ITGA8: variants seen among roughly 807,000 people sequenced by gnomAD.
The protein encoded by ITGA8 is integrin alpha-8.
A neutral mutation model predicts 142.3 loss-of-function variants in ITGA8; 91 were observed. That is an observed-to-expected ratio of 0.64 (90% CI 0.54 to 0.76). The LOEUF (loss-of-function observed/expected upper bound fraction) is 0.76, where lower values mean the gene tolerates loss of function less well. Among genes scored for constraint, ITGA8 ranks in the 30% least tolerant of loss-of-function variants. The pLI is 0.00. For missense variants in ITGA8, 1,406 were observed against 1,327.7 expected, an observed-to-expected ratio of 1.06 and a Z score of -0.92; for synonymous variants, 505 against 485.2, an observed-to-expected ratio of 1.04 and a Z score of -0.54.
intron 8 of ITGA8, among the ~76,000 whole-genome samples, chr10:15,662,959 T>A (rs1430995548): frequency 6.6e-6 from 1 of 152,194 alleles, no homozygotes; most frequent in Non-Finnish European, 1.5e-5. Context: ...CATGAACGTG[T>A]ATGAAAATTG....
intron 26 of ITGA8, among the ~76,000 whole-genome samples, chr10:15,549,717 G>T (rs1833758977): frequency 4.6e-5 from 7 of 152,116 alleles, no homozygotes; most frequent in Admixed American, 4.6e-4. Context: ...CAATGTATTG[G>T]ATATTATGTG....
Position 15,685,700 on chromosome 10 carries a change from C to A in ITGA8, c.445-1573G>T, listed in dbSNP as rs575795558. Among the ~76,000 whole-genome samples, 42 of 152,270 alleles carry A rather than the reference C, an allele frequency of 2.8e-4. No homozygotes were observed. The East Asian group carries it at 7.9e-3, about 29-fold the overall frequency. ...ACATACTTTATGTCATTGCCTATGA[C>A]CCCTTTTTAGAATTACATTATGGTA... On this transcript the variant is annotated intron_variant, in intron 3 of 29. Coordinates refer to ENST00000378076, the MANE Select transcript of ITGA8 (RefSeq NM_003638.3).
intron 3 of ITGA8, among the ~76,000 whole-genome samples, chr10:15,687,287 C>G (rs1588724210): frequency 6.6e-6 from 1 of 151,588 alleles, no homozygotes; most frequent in East Asian, 1.9e-4. Flanking sequence ...GAAATTAAAG[C>G]CAATAGGTTG....
intron 3 of ITGA8, among the ~76,000 whole-genome samples, chr10:15,685,784 A>G (rs916152551): frequency 2.0e-5 from 3 of 152,240 alleles, no homozygotes; most frequent in African/African-American, 7.2e-5. Context: ...ATCGGCAAAA[A>G]TAAATTGAAA....
chr10:15,707,952 G>A (rs1156849859), intron 2 of ITGA8, among the ~76,000 whole-genome samples: 2 of 128,206 alleles, frequency 1.6e-5, no homozygotes, highest in African/African-American at 5.8e-5. Flanking sequence ...AAATAAATGT[G>A]CACACACCGA....
In ITGA8 at chr10:15,517,057, C is replaced by T; in HGVS notation, c.*101G>A. 1 of 753,326 alleles carries T rather than the reference C, an allele frequency of 1.3e-6. No homozygotes were observed. The highest frequency in any genetic ancestry group is 1.9e-5 in the South Asian group (1 of 52,300). The allele number at this position is 753,326 out of a possible 1,614,324, so 46.7% of individuals were successfully genotyped here. On this transcript the variant is annotated 3_prime_UTR_variant, in exon 30 of 30. Transcript: ENST00000378076. Reference sequence around the variant, plus strand: ...AGGGTCCCCTCCATTTCCTGGGTCACTGTCAGGTATCAGAAAGCTTTGATT... The same window carrying T: ...AGGGTCCCCTCCATTTCCTGGGTCATTGTCAGGTATCAGAAAGCTTTGATT...
At chr10:15,607,466 A>C (rs150161422) in intron 17 of ITGA8, among the ~76,000 whole-genome samples, 1 of 152,234 alleles carries the variant, frequency 6.6e-6, no homozygotes, top group African/African-American at 2.4e-5. Context: ...AATGAAAAGA[A>C]GCCTTAGAAA....
At chr10:15,602,984 A>G (rs187079069) in intron 20 of ITGA8, among the ~76,000 whole-genome samples, 1 of 151,082 alleles carries the variant, frequency 6.6e-6, no homozygotes, top group East Asian at 1.9e-4. Context: ...TGTGACTGAC[A>G]TACACAAAAC....
intron 21 of ITGA8, among the ~76,000 whole-genome samples, chr10:15,592,515 A>G (rs1832944492): frequency 6.6e-6 from 1 of 152,190 alleles, no homozygotes; most frequent in South Asian, 2.1e-4. Flanking sequence ...CTCTCTCTCC[A>G]TTTAGTCCTA....
At chr10:15,623,681 A>G (rs1308604277) in intron 13 of ITGA8, among the ~76,000 whole-genome samples, 1 of 152,182 alleles carries the variant, frequency 6.6e-6, no homozygotes, top group Non-Finnish European at 1.5e-5. Flanking sequence ...GTGAGACTCC[A>G]TCTCAATAAA....
Position 15,517,018 on chromosome 10 carries a change from GAGGTGA to G in ITGA8, c.*134_*139del. 2 of 422,618 alleles carry G rather than the reference GAGGTGA, an allele frequency of 4.7e-6. No individual in the cohort carries two copies. Among genetic ancestry groups the G allele is most frequent in the East Asian group, 3.9e-5 (1 of 25,812 alleles). The allele number at this position is 422,618 out of a possible 1,614,324, so 26.2% of individuals were successfully genotyped here. A position where few individuals can be genotyped will look rare whatever the true frequency, so the allele number is the denominator to read the frequency against. Reference sequence around the variant, plus strand: ...AATTTCTCCAAAGTGCGGTGTAGATGAGGTGATGTTTCCAGGGTCCCCTCCATTTCC... The same window carrying G: ...AATTTCTCCAAAGTGCGGTGTAGATGTGTTTCCAGGGTCCCCTCCATTTCC... On this transcript the variant is annotated 3_prime_UTR_variant, in exon 30 of 30. Coordinates refer to ENST00000378076, the MANE Select transcript of ITGA8 (RefSeq NM_003638.3).
At chr10:15,693,923 C>T (rs943263728) in intron 2 of ITGA8, among the ~76,000 whole-genome samples, 4 of 151,630 alleles carry the variant, frequency 2.6e-5, no homozygotes, top group Non-Finnish European at 5.9e-5. Context: ...TAGTTGAAGA[C>T]AGCGTAAGTC....
intron 11 of ITGA8, among the ~76,000 whole-genome samples, chr10:15,653,473 T>G (rs1834126937): frequency 6.6e-6 from 1 of 152,230 alleles, no homozygotes; most frequent in Non-Finnish European, 1.5e-5. Flanking sequence ...GGCACGTTCA[T>G]TCCAATCAAT....
At chr10:15,634,396 A>G (rs981229330) in intron 13 of ITGA8, among the ~76,000 whole-genome samples, 2 of 152,026 alleles carry the variant, frequency 1.3e-5, no homozygotes, top group Middle Eastern at 3.2e-3. Context: ...CCAAAACCCA[A>G]CTTTAAAGGA....
At position 15,586,049 on chromosome 10, in the gene ITGA8, A is replaced by ATTTT. The variant is rs59435924; in HGVS notation, c.2372+531_2372+534dup. ...CACTGTCAATTTGGGGAATAAAGTG[A>ATTTT]TTTTTTTTTTTTTTTTTTTTTTTTT... is the stretch of plus-strand genomic sequence containing the variant. On this transcript the variant is annotated intron_variant, in intron 23 of 29. Coordinates refer to ENST00000378076, the MANE Select transcript of ITGA8 (RefSeq NM_003638.3). Among the ~76,000 whole-genome samples the ATTTT allele has an allele frequency of 1.4e-3, 111 of 76,820 alleles. 8 individuals are homozygous for ATTTT. Among genetic ancestry groups the ATTTT allele is most frequent in the African/African-American group, 5.5e-3 (105 of 19,004 alleles). The allele number at this position is 76,820 out of a possible 152,430, so 50.4% of individuals were successfully genotyped here.
intron 2 of ITGA8, among the ~76,000 whole-genome samples, chr10:15,704,540 T>C (rs1835222581): frequency 6.6e-6 from 1 of 152,214 alleles, no homozygotes; most frequent in Non-Finnish European, 1.5e-5. Flanking sequence ...GAATCTTTCA[T>C]ACTTTCTTTC....
intron 21 of ITGA8, chr10:15,596,978 T>G (rs1401373561): frequency 2.5e-5 from 12 of 471,838 alleles, no homozygotes; most frequent in Non-Finnish European, 4.5e-5. Flanking sequence ...GCAAGAGTAA[T>G]GTATAAAGAG....
intron 29 of ITGA8, among the ~76,000 whole-genome samples, chr10:15,518,817 G>A (rs1313614976): frequency 1.3e-5 from 2 of 152,122 alleles, no homozygotes; most frequent in African/African-American, 4.8e-5. Flanking sequence ...AATCTATTTG[G>A]CCTCATTAGT....
At chr10:15,590,595 G>T (rs974948957) in intron 22 of ITGA8, among the ~76,000 whole-genome samples, 1 of 152,168 alleles carries the variant, frequency 6.6e-6, no homozygotes, top group Non-Finnish European at 1.5e-5. Context: ...GTTACTGTCT[G>T]GAGGGATGGT....
Sources: allele counts gnomAD v4.1 joint callset (sites outside exome capture counted in the v4.1 genomes callset), GRCh38; gene constraint gnomAD v4.1.1; transcripts MANE v1.5; gene names NCBI Gene and HGNC (gene_info 2026-07-23, HGNC 2026-07-21).